Variants in HDAC9 observed in about 807,000 individuals in gnomAD.
The protein encoded by HDAC9 is histone deacetylase 9, also known as MEF-2 interacting transcription repressor (MITR) protein.
In HDAC9, 41 loss-of-function variants were observed where a neutral mutation model predicts 139.4. The observed-to-expected ratio is 0.29, with a 90% CI of 0.23 to 0.38. The LOEUF (loss-of-function observed/expected upper bound fraction) is 0.38, where lower values mean the gene tolerates loss of function less well. Among genes scored for constraint, HDAC9 ranks in the 10% least tolerant of loss-of-function variants. The pLI, the probability that HDAC9 is intolerant of heterozygous loss-of-function variation, is 1.00. For synonymous variants in HDAC9, 517 were observed against 476.2 expected, an observed-to-expected ratio of 1.09 and a Z score of -1.12; for missense variants, 1,147 against 1,297.0, an observed-to-expected ratio of 0.88 and a Z score of 1.78.
intron 1 of HDAC9, among the ~76,000 whole-genome samples, chr7:18,093,242 T>C (rs1782282073): frequency 2.0e-5 from 3 of 152,182 alleles, no homozygotes; most frequent in African/African-American, 7.2e-5. Context: ...AAAGGCTAAA[T>C]ACTTTGCCAA....
intron 2 of HDAC9, among the ~76,000 whole-genome samples, chr7:18,574,837 C>G (rs1324879661): frequency 6.6e-6 from 1 of 152,262 alleles, no homozygotes; most frequent in Admixed American, 6.5e-5. Context: ...AGAGGCCAGG[C>G]AGCGACAGCA....
At chr7:18,824,072 G>GAAC (rs1274959229) in intron 17 of HDAC9, among the ~76,000 whole-genome samples, 5 of 144,360 alleles carry the variant, frequency 3.5e-5, no homozygotes, top group African/African-American at 1.2e-4. Context: ...AGAAGAAGAA[G>GAAC]AAGAAGAAGA....
intron 23 of HDAC9, among the ~76,000 whole-genome samples, chr7:18,942,837 G>C (rs146180015): frequency 3.9e-4 from 59 of 151,994 alleles, no homozygotes; most frequent in Middle Eastern, 3.4e-3. Flanking sequence ...ACAGTTAGCA[G>C]TTCAACATTT....
At chr7:18,813,837 T>A (rs1242373672) in intron 17 of HDAC9, among the ~76,000 whole-genome samples, 1 of 152,200 alleles carries the variant, frequency 6.6e-6, no homozygotes, top group Non-Finnish European at 1.5e-5. Flanking sequence ...AGAGTCTAGC[T>A]ATTACTAAGA....
intron 1 of HDAC9, among the ~76,000 whole-genome samples, chr7:18,340,144 A>G (rs188506738): frequency 6.6e-6 from 1 of 151,634 alleles, no homozygotes; most frequent in African/African-American, 2.4e-5. Flanking sequence ...TTATGAAATG[A>G]TATTTATCTC....
intron 1 of HDAC9, among the ~76,000 whole-genome samples, chr7:18,137,533 A>T (rs1785518869): frequency 6.6e-6 from 1 of 151,900 alleles, no homozygotes; most frequent in African/African-American, 2.4e-5. Flanking sequence ...GAATTTTGTC[A>T]AAGGCCTTTT....
intron 24 of HDAC9, among the ~76,000 whole-genome samples, chr7:18,958,908 T>C (rs1783341296): frequency 6.6e-6 from 1 of 152,170 alleles, no homozygotes; most frequent in Non-Finnish European, 1.5e-5. Context: ...TTTTGTGAGT[T>C]GCCATTTCCA....
At chr7:18,209,215 A>G (rs539929498) in intron 2 of HDAC9, among the ~76,000 whole-genome samples, 9 of 152,304 alleles carry the variant, frequency 5.9e-5, no homozygotes, top group South Asian at 2.1e-4. Flanking sequence ...ACCCGCTTAT[A>G]TAACAGTCAC....
intron 6 of HDAC9, 65 bp downstream of exon 6, chr7:18,594,094 A>G: frequency 1.3e-6 from 2 of 1,556,870 alleles, no homozygotes; most frequent in South Asian, 2.3e-5. Context: ...TCATTTTGCC[A>G]CACCTCTAGA....
intron 2 of HDAC9, among the ~76,000 whole-genome samples, chr7:18,166,461 C>T (rs1662810943): frequency 6.6e-6 from 1 of 152,172 alleles, no homozygotes; most frequent in African/African-American, 2.4e-5. Flanking sequence ...AGAGATTTAT[C>T]TTCATGCCTC....
chr7:18,439,193 T>C (rs1791512129), intron 1 of HDAC9, among the ~76,000 whole-genome samples: 1 of 152,202 alleles, frequency 6.6e-6, no homozygotes, highest in Non-Finnish European at 1.5e-5. Flanking sequence ...GGTTGCCACA[T>C]GTAGGAGTTT....
chr7:18,680,191 G>T (rs1418623845), intron 12 of HDAC9, among the ~76,000 whole-genome samples: 1 of 151,998 alleles, frequency 6.6e-6, no homozygotes, highest in Non-Finnish European at 1.5e-5. Flanking sequence ...CAAACTTAGA[G>T]AAAATTGTGC....
chr7:18,655,022 C>T (rs1234934273), intron 11 of HDAC9, among the ~76,000 whole-genome samples: 1 of 152,130 alleles, frequency 6.6e-6, no homozygotes, highest in African/African-American at 2.4e-5. Context: ...CATCTTCTCA[C>T]GGAAGTTCTG....
At chr7:18,326,310 A>T (rs1418407954) in intron 1 of HDAC9, among the ~76,000 whole-genome samples, 1 of 152,096 alleles carries the variant, frequency 6.6e-6, no homozygotes, top group Non-Finnish European at 1.5e-5. Flanking sequence ...AAAAGCATCT[A>T]AAAGAAAGTG....
intron 2 of HDAC9, among the ~76,000 whole-genome samples, chr7:18,232,218 T>C (rs1793509478): frequency 6.6e-6 from 1 of 152,152 alleles, no homozygotes; most frequent in Non-Finnish European, 1.5e-5. Flanking sequence ...TCCCTCAATA[T>C]GTGTTGAGTG....
intron 1 of HDAC9, among the ~76,000 whole-genome samples, chr7:18,427,955 A>C (rs1790279518): frequency 6.6e-6 from 1 of 152,104 alleles, no homozygotes; most frequent in Non-Finnish European, 1.5e-5. Flanking sequence ...TGACTGTTTT[A>C]GTTACCTCAT....
At chr7:18,494,123 A>G (rs1212792958), upstream of HDAC9, among the ~76,000 whole-genome samples, 1 of 152,050 alleles carries the variant, frequency 6.6e-6, no homozygotes, top group Non-Finnish European at 1.5e-5. Flanking sequence ...TTTTCCACTG[A>G]CAGGAACATA....
At chr7:18,193,782 C>T (rs922343160) in intron 2 of HDAC9, among the ~76,000 whole-genome samples, 1 of 152,058 alleles carries the variant, frequency 6.6e-6, no homozygotes, top group African/African-American at 2.4e-5. Context: ...GGCAGCAGGG[C>T]CAAGGGGGCC....
At chr7:18,143,939 T>A in intron 1 of HDAC9, among the ~76,000 whole-genome samples, 1 of 152,116 alleles carries the variant, frequency 6.6e-6, no homozygotes, top group East Asian at 1.9e-4. Flanking sequence ...AAAAAAAGCC[T>A]AAATCGACAT....
Sources: gnomAD v4.1 joint callset for allele counts (sites outside exome capture counted in the v4.1 genomes callset) on GRCh38, gnomAD v4.1.1 for gene constraint, MANE v1.5 for transcripts, NCBI Gene and HGNC (gene_info 2026-07-23, HGNC 2026-07-21) for gene names.